NASP: variants seen among roughly 807,000 people sequenced by gnomAD.
The protein encoded by NASP is nuclear autoantigenic sperm protein, also known as NASP histone chaperone.
A neutral mutation model predicts 89.5 loss-of-function variants in NASP; 24 were observed. The ratio of observed to expected loss-of-function variants is 0.27; its 90% CI spans 0.19 to 0.38. NASP has a LOEUF of 0.38. Among genes scored for constraint, NASP ranks in the 10% least tolerant of loss-of-function variants. The pLI, the probability that NASP is intolerant of heterozygous loss-of-function variation, is 1.00. For synonymous variants in NASP, 306 were observed against 324.7 expected (o/e 0.94, Z 0.62); for missense variants, 848 against 921.4 (o/e 0.92, Z 1.03).
chr1:45,589,152 A>G (rs1227844034), intron 1 of NASP, among the ~76,000 whole-genome samples: 1 of 152,166 alleles, frequency 6.6e-6, no homozygotes, highest in Non-Finnish European at 1.5e-5. Context: ...ATTTGAAACA[A>G]GGTCTTACTC....
chr1:45,595,561 A>C (rs1643675802), intron 2 of NASP, among the ~76,000 whole-genome samples: 1 of 152,178 alleles, frequency 6.6e-6, no homozygotes, highest in South Asian at 2.1e-4. Flanking sequence ...TGGGGTCTCC[A>C]GTACTCTTTC....
intron 2 of NASP, among the ~76,000 whole-genome samples, chr1:45,593,597 C>T (rs1309443545): frequency 6.9e-6 from 1 of 145,332 alleles, no homozygotes; most frequent in African/African-American, 2.5e-5. Flanking sequence ...TGCTGAAAGT[C>T]AGATTTGCTT....
At chr1:45,615,733 G>C in intron 11 of NASP, 1 of 402,636 alleles carries the variant, frequency 2.5e-6, no homozygotes, top group Non-Finnish European at 4.4e-6. Context: ...TACAGGTTGA[G>C]TATCCTTACC....
chr1:45,593,536 A>C (rs886120384), intron 2 of NASP, among the ~76,000 whole-genome samples: 97 of 92,108 alleles, frequency 1.1e-3, no homozygotes, highest in South Asian at 2.6e-3. Flanking sequence ...GTCCCCCCCC[A>C]AAAAAAAAAA....
At chr1:45,605,139 GA>G in intron 4 of NASP, 123 bp downstream of exon 4, 1 of 741,638 alleles carries the variant, frequency 1.3e-6, no homozygotes, top group Non-Finnish European at 2.3e-6. Flanking sequence ...TTGAAGTAGT[GA>G]TGGAAGTTGT....
rs138914555 is a variant in NASP, at chr1:45,616,628, T to C, written c.2082T>C (p.Ile694=). 1.2e-6 allele frequency: 2 copies of C among 1,613,880 alleles called. No homozygotes were observed. The highest frequency in any genetic ancestry group is 2.7e-5 in the African/African-American group (2 of 75,068). ...PGGGGSSVSM[I]ASRKPTDGAS... is the part of the protein sequence containing the mutation. Reference sequence around the variant, plus strand: ...CTAATAAGGGCTTATTTTGCCAGATTGCCAGTAGAAAGCCAACAGACGGTG... The same window carrying C: ...CTAATAAGGGCTTATTTTGCCAGATCGCCAGTAGAAAGCCAACAGACGGTG... Residue 694 remains isoleucine, a splice_region_variant and synonymous_variant, in exon 13 of 15, where the codon ATT becomes ATC. Transcript: ENST00000350030.
intron 3 of NASP, among the ~76,000 whole-genome samples, chr1:45,603,346 C>T (rs544198450): frequency 3.3e-5 from 5 of 152,302 alleles, no homozygotes; most frequent in Non-Finnish European, 5.9e-5. Context: ...CAGTTGATTA[C>T]ATTACATATA....
At chr1:45,597,213 A>G (rs1643720384) in intron 2 of NASP, among the ~76,000 whole-genome samples, 2 of 151,680 alleles carry the variant, frequency 1.3e-5, no homozygotes, top group Non-Finnish European at 2.9e-5. Flanking sequence ...AGGCTGAGGC[A>G]CAAGAATGGT....
chr1:45,600,323 G>A (rs1445492584), intron 2 of NASP: 12 of 1,185,510 alleles, frequency 1.0e-5, no homozygotes, highest in African/African-American at 4.8e-5. Flanking sequence ...TCAAGATAAT[G>A]AGTATTTTCA....
intron 3 of NASP, 102 bp downstream of exon 3, chr1:45,602,467 T>TA: frequency 8.8e-7 from 1 of 1,133,984 alleles, no homozygotes. Flanking sequence ...GCAAGAGTTT[T>TA]AAAACATTTG....
At position 45,588,820 on chromosome 1, in the gene NASP, C is replaced by T. The variant is rs1036073504; in HGVS notation, c.60-2403C>T. ...TAGTCCCAGCTACTTGAGAAGCTGA[C>T]GCAGGAGAATGGCGTGAACCCGGGA... is the stretch of plus-strand genomic sequence containing the variant. On this transcript the variant is annotated intron_variant, in intron 1 of 14. Coordinates refer to ENST00000350030, the MANE Select transcript of NASP (RefSeq NM_002482.4). 7.7e-5 allele frequency: 20 copies of T among 258,106 alleles called. No individual in the cohort carries two copies. In the Admixed American group the frequency reaches 8.8e-4, roughly 11 times the overall value. 16.0% of individuals were successfully genotyped at this position (258,106 alleles called of 1,614,324 possible). A position where few individuals can be genotyped will look rare whatever the true frequency, so the allele number is the denominator to read the frequency against.
At chr1:45,611,301 CAA>C (rs1344755255) in intron 6 of NASP, 7 of 152,004 alleles carry the variant, frequency 4.6e-5, no homozygotes, top group African/African-American at 1.7e-4. Flanking sequence ...TAATTTGAAA[CAA>C]AATATCTTAA....
In NASP at chr1:45,606,716, G is replaced by T. The variant is rs745446966; in HGVS notation, c.409+125G>T. 3.9e-5 allele frequency: 23 copies of T among 582,746 alleles called. No individual in the cohort carries two copies. The Admixed American group carries it at 6.5e-4, about 17-fold the overall frequency. The allele number at this position is 582,746 out of a possible 1,614,324, so 36.1% of individuals were successfully genotyped here. ...TAAGATGCTTGGGGTGATGATGCCT[G>T]CATCTGGTGGAGATTGCAGTGGGGA... is the stretch of plus-strand genomic sequence containing the variant. On this transcript the variant is annotated intron_variant, in intron 5 of 14. Coordinates refer to ENST00000350030, the MANE Select transcript of NASP (RefSeq NM_002482.4).
intron 6 of NASP, chr1:45,610,020 G>A (rs1643976278): frequency 6.6e-6 from 1 of 152,158 alleles, no homozygotes; most frequent in Non-Finnish European, 1.5e-5. Context: ...CCAATATGTT[G>A]AAACTTTGAC....
chr1:45,584,278 A>T, intron 1 of NASP, 73 bp downstream of exon 1: 2 of 1,418,244 alleles, frequency 1.4e-6, no homozygotes, highest in Non-Finnish European at 1.9e-6. Context: ...GGCTCCGGAG[A>T]AGGGGCAGAC....
chr1:45,614,692 C>A (rs1218078142), intron 9 of NASP, among the ~76,000 whole-genome samples: 1 of 152,182 alleles, frequency 6.6e-6, no homozygotes, highest in Non-Finnish European at 1.5e-5. Flanking sequence ...GCACCCACCA[C>A]CACGCCCGGT....
rs1362319817 is a variant in NASP at position 45,616,609 on chromosome 1, A to G, written c.2080-17A>G. On this transcript the variant is annotated splice_polypyrimidine_tract_variant and intron_variant, in intron 12 of 14. Transcript: ENST00000350030. ...CATATAGCTTGTACAATTGCTAATA[A>G]GGGCTTATTTTGCCAGATTGCCAGT... 1 of 1,611,798 alleles carries G rather than the reference A, an allele frequency of 6.2e-7. No individual in the cohort carries two copies.
In NASP at chr1:45,590,318, G is replaced by A. The variant is rs202023004; in HGVS notation, c.60-905G>A. On this transcript the variant is annotated intron_variant, in intron 1 of 14. Transcript: ENST00000350030. ...CCAGCACTTTGGGAGGCCGAGGCAG[G>A]TGGATCACGAGGTCAGGAGACGAGA... is the stretch of plus-strand genomic sequence containing the variant. Among the ~76,000 whole-genome samples, 455 of 84,946 alleles carry A rather than the reference G, an allele frequency of 5.4e-3. 5 individuals are homozygous for A. The highest frequency in any genetic ancestry group is 0.037 in the East Asian group (113 of 3,062). The allele number at this position is 84,946 out of a possible 152,430, so 55.7% of individuals were successfully genotyped here. A position where few individuals can be genotyped will look rare whatever the true frequency, so the allele number is the denominator to read the frequency against.
Position 45,596,071 on chromosome 1 carries a change from G to A in NASP, c.107+4801G>A, listed in dbSNP as rs138228819. On this transcript the variant is annotated intron_variant, in intron 2 of 14. Coordinates refer to ENST00000350030, the MANE Select transcript of NASP (RefSeq NM_002482.4). ...TCTCCAAAATGAATACAGTGAGCCT[G>A]TCACTTTAAGGGAAATAACTGACAG... Among the ~76,000 whole-genome samples the A allele has an allele frequency of 2.8e-4, 43 of 152,336 alleles. 1 individual carries two copies. The East Asian group carries it at 6.9e-3, about 25-fold the overall frequency.
Sources: allele counts gnomAD v4.1 joint callset (sites outside exome capture counted in the v4.1 genomes callset), GRCh38; gene constraint gnomAD v4.1.1; transcripts MANE v1.5; gene names NCBI Gene and HGNC (gene_info 2026-07-23, HGNC 2026-07-21).